Variants in ADAM18 observed in about 807,000 individuals in gnomAD.
The protein encoded by ADAM18 is ADAM metallopeptidase domain 18, also known as disintegrin and metalloproteinase domain-containing protein 18.
A neutral mutation model predicts 94.4 loss-of-function variants in ADAM18; 117 were observed. The observed-to-expected ratio is 1.24, with a 90% CI of 1.07 to 1.45. The LOEUF is 1.45. Ranked by LOEUF, ADAM18 falls within the 40% of genes most tolerant of loss-of-function variation. The probability of loss-of-function intolerance (pLI) is 0.00; values close to 1 mark genes in which losing one functional copy is unlikely to be tolerated. For missense variants in ADAM18, 936 were observed against 880.0 expected, an observed-to-expected ratio of 1.06 and a Z score of -0.81; for synonymous variants, 327 against 291.6, an observed-to-expected ratio of 1.12 and a Z score of -1.24.
chr8:39,598,503 C>T (rs936885363), intron 2 of ADAM18, among the ~76,000 whole-genome samples: 1 of 151,960 alleles, frequency 6.6e-6, no homozygotes, highest in East Asian at 1.9e-4. Context: ...CATGGTGGCT[C>T]ACACCTGTAA....
chr8:39,711,144 G>A (rs1396151906), intron 18 of ADAM18, among the ~76,000 whole-genome samples: 1 of 152,066 alleles, frequency 6.6e-6, no homozygotes, highest in Non-Finnish European at 1.5e-5. Context: ...AACATTACCT[G>A]AACAAAAACT....
intron 10 of ADAM18, among the ~76,000 whole-genome samples, chr8:39,643,552 A>T (rs939367423): frequency 2.6e-5 from 4 of 152,106 alleles, no homozygotes; most frequent in African/African-American, 4.8e-5. Context: ...TGAGCACTTG[A>T]TCAACAGAAA....
chr8:39,661,240 C>T (rs1169756080), intron 12 of ADAM18, among the ~76,000 whole-genome samples: 1 of 148,620 alleles, frequency 6.7e-6, no homozygotes. Flanking sequence ...GCAGGCTCCG[C>T]CTCCTGGGTT....
At chr8:39,683,008 G>A (rs1821511533) in intron 16 of ADAM18, among the ~76,000 whole-genome samples, 1 of 152,134 alleles carries the variant, frequency 6.6e-6, no homozygotes, top group African/African-American at 2.4e-5. Context: ...TACCAACCAA[G>A]TGAGGGATGG....
Position 39,585,410 on chromosome 8 carries a change from C to T in ADAM18, c.132+58C>T, listed in dbSNP as rs1398587220. 1.4e-5 allele frequency: 17 copies of T among 1,240,970 alleles called. No individual in the cohort carries two copies. In the Admixed American group the frequency reaches 2.9e-4, roughly 21 times the overall value. 76.9% of individuals were successfully genotyped at this position (1,240,970 alleles called of 1,614,324 possible). ...AAGCTTTATGGCAATTTTTATTTAC[C>T]CTTATATTAAGTCAGATCATACTAA... is the stretch of plus-strand genomic sequence containing the variant. On this transcript the variant is annotated intron_variant, in intron 2 of 19. Transcript: ENST00000265707.
chr8:39,648,426 C>A lies in ADAM18; in HGVS notation c.1129C>A (p.Leu377Ile). 6.2e-7 allele frequency: 1 copy of A among 1,612,736 alleles called. No homozygotes were observed. Among genetic ancestry groups the A allele is most frequent in the Non-Finnish European group, 8.5e-7 (1 of 1,179,392 alleles). Residue 377 changes from leucine to isoleucine, a missense_variant, in exon 12 of 20, where the codon CTT (leucine) becomes ATT (isoleucine). Physicochemically the swap from Leu to Ile is conservative, Grantham distance 5 (BLOSUM62 2). Transcript: ENST00000265707. ...YFVSKFETKC[L>I]QKLSNLQPLH... ...TGTTTCAAAATTTGAGACTAAATGC[C>A]TTCAGAAGCTTTCAAATTTGCAACC... is the stretch of plus-strand genomic sequence containing the variant.
rs565976426 is a variant in ADAM18, at chr8:39,655,387, A to G, written c.1230+6860A>G. 8.5e-5 allele frequency among the ~76,000 whole-genome samples: 13 copies of G among 152,322 alleles called. No homozygotes were observed. In the South Asian group the frequency reaches 2.7e-3, roughly 32 times the overall value. ...TTGAAAATAATGATACAACATATAC[A>G]TAAACAGTAACATTATGTTCTATTG... On this transcript the variant is annotated intron_variant, in intron 12 of 19. Coordinates refer to ENST00000265707, the MANE Select transcript of ADAM18 (RefSeq NM_014237.3).
At chr8:39,650,170 C>T (rs148040453) in intron 12 of ADAM18, among the ~76,000 whole-genome samples, 1 of 152,286 alleles carries the variant, frequency 6.6e-6, no homozygotes, top group East Asian at 1.9e-4. Context: ...TGTGATAACA[C>T]TCCTGACATC....
intron 19 of ADAM18, among the ~76,000 whole-genome samples, chr8:39,726,072 T>C (rs1056658417): frequency 8.5e-5 from 13 of 152,120 alleles, no homozygotes; most frequent in African/African-American, 3.1e-4. Context: ...AGTAAGCCAT[T>C]CTAAATGGAA....
intron 18 of ADAM18, among the ~76,000 whole-genome samples, chr8:39,715,518 G>T: frequency 6.6e-6 from 1 of 151,150 alleles, no homozygotes; most frequent in East Asian, 1.9e-4. Context: ...TGAAAGACTG[G>T]TTCTTTGAAA....
intron 2 of ADAM18, among the ~76,000 whole-genome samples, chr8:39,592,159 G>A (rs2129458047): frequency 6.6e-6 from 1 of 152,290 alleles, no homozygotes; most frequent in South Asian, 2.1e-4. Flanking sequence ...CCCTAGCATT[G>A]TTAGAACGGT....
intron 11 of ADAM18, 94 bp downstream of exon 11, chr8:39,645,568 T>C: frequency 2.6e-6 from 3 of 1,175,392 alleles, no homozygotes; most frequent in Non-Finnish European, 3.6e-6. Context: ...CGGCACCACA[T>C]CAATGGCTAG....
At position 39,584,669 on chromosome 8, in the gene ADAM18, C is replaced by T. The variant is rs780481588; in HGVS notation, c.47C>T (p.Ala16Val). 2 of 1,613,218 alleles carry T rather than the reference C, an allele frequency of 1.2e-6. No individual in the cohort carries two copies. Among genetic ancestry groups the T allele is most frequent in the South Asian group, 1.1e-5 (1 of 91,088 alleles). Residue 16 changes from alanine (A) to valine (V), a missense_variant, in exon 1 of 20, where the codon GCC becomes GTC. Transcript: ENST00000265707. Reference protein sequence around the residue: ...ALLTELGRLQAHEGSEGIFLH... With the variant: ...ALLTELGRLQVHEGSEGIFLH... ...CTCACTGAGCTTGGAAGACTGCAAG[C>T]CCACGAAGGTAAGTCCATGGGAGCC...
intron 16 of ADAM18, among the ~76,000 whole-genome samples, chr8:39,688,888 T>G (rs1821689361): frequency 6.6e-6 from 1 of 152,218 alleles, no homozygotes; most frequent in African/African-American, 2.4e-5. Flanking sequence ...TTTTTTCACT[T>G]TTTAGTAATA....
At chr8:39,613,121 A>G (rs1385783173) in intron 6 of ADAM18, among the ~76,000 whole-genome samples, 1 of 152,030 alleles carries the variant, frequency 6.6e-6, no homozygotes, top group African/African-American at 2.4e-5. Context: ...AGGTACATAC[A>G]TGCATGCAGA....
At chr8:39,698,139 G>A (rs7463730) in intron 17 of ADAM18, among the ~76,000 whole-genome samples, 76,621 of 151,480 alleles carry the variant, frequency 0.51, 21,546 homozygotes, top group Non-Finnish European at 0.64. Context: ...TTCATTCTTT[G>A]TTCTTCAATC....
chr8:39,648,528 G>T lies in ADAM18; in HGVS notation c.1230+1G>T. On this transcript the variant is annotated splice_donor_variant, in intron 12 of 19. Coordinates refer to ENST00000265707, the MANE Select transcript of ADAM18 (RefSeq NM_014237.3). LOFTEE classifies it high-confidence loss of function. ...AGAATGTGACTGTGGTAATAAAAAT[G>T]TGAGTAACAAAGATTGAAACTCGAG... The T allele has an allele frequency of 6.3e-7, 1 of 1,591,372 alleles. No homozygotes were observed. Among genetic ancestry groups the T allele is most frequent in the Non-Finnish European group, 8.5e-7 (1 of 1,170,510 alleles).
intron 2 of ADAM18, among the ~76,000 whole-genome samples, chr8:39,603,041 C>T (rs1818956677): frequency 6.6e-6 from 1 of 152,180 alleles, no homozygotes; most frequent in South Asian, 2.1e-4. Flanking sequence ...CTATCTTGCA[C>T]ACTTGTGCAA....
chr8:39,726,981 C>T (rs1822932252), intron 19 of ADAM18, among the ~76,000 whole-genome samples: 1 of 152,126 alleles, frequency 6.6e-6, no homozygotes, highest in Admixed American at 6.5e-5. Flanking sequence ...ATGTGACATT[C>T]TTTTACCAAA....
Sources: allele counts gnomAD v4.1 joint callset (sites outside exome capture counted in the v4.1 genomes callset), GRCh38; gene constraint gnomAD v4.1.1; transcripts MANE v1.5; gene names NCBI Gene and HGNC (gene_info 2026-07-23, HGNC 2026-07-21).